Variants in GRID2 observed in about 807,000 individuals in gnomAD.
GRID2 encodes glutamate ionotropic receptor delta type subunit 2, also known as glutamate receptor ionotropic, delta-2.
A neutral mutation model predicts 114.8 loss-of-function variants in GRID2; 33 were observed. That is an observed-to-expected ratio of 0.29 (90% confidence interval 0.22 to 0.38). The LOEUF (loss-of-function observed/expected upper bound fraction) is 0.38, where lower values mean the gene tolerates loss of function less well. Ranked by LOEUF, GRID2 falls within the 10% of genes least tolerant of loss-of-function variation. The pLI is 1.00. For synonymous variants in GRID2, 505 were observed against 449.9 expected (o/e 1.12, Z -1.55); for missense variants, 1,184 against 1,257.7 (o/e 0.94, Z 0.89).
intron 2 of GRID2, among the ~76,000 whole-genome samples, chr4:92,724,631 T>C (rs1221008717): frequency 6.6e-6 from 1 of 152,158 alleles, no homozygotes; most frequent in Non-Finnish European, 1.5e-5. Flanking sequence ...AAAGCACAAA[T>C]GTGGTGTCTA....
At chr4:92,732,813 A>G (rs1046398561) in intron 2 of GRID2, among the ~76,000 whole-genome samples, 1 of 152,058 alleles carries the variant, frequency 6.6e-6, no homozygotes, top group Admixed American at 6.6e-5. Context: ...CAAAATTATA[A>G]GTTTATAGAT....
At chr4:92,642,704 T>C (rs1731417498) in intron 2 of GRID2, among the ~76,000 whole-genome samples, 1 of 151,886 alleles carries the variant, frequency 6.6e-6, no homozygotes, top group South Asian at 2.1e-4. Flanking sequence ...CAATTGCTTT[T>C]GGGAACTTGG....
chr4:92,357,399 A>C (rs895873820), intron 1 of GRID2, among the ~76,000 whole-genome samples: 1 of 151,934 alleles, frequency 6.6e-6, no homozygotes, highest in Non-Finnish European at 1.5e-5. Context: ...AACACAAAAT[A>C]ATATTTAAAA....
intron 2 of GRID2, among the ~76,000 whole-genome samples, chr4:92,670,982 A>G (rs1733033254): frequency 1.3e-5 from 2 of 152,142 alleles, no homozygotes; most frequent in South Asian, 2.1e-4. Flanking sequence ...CCCAAAATGT[A>G]TATATCAAAT....
At chr4:92,318,756 G>A (rs896224184) in intron 1 of GRID2, among the ~76,000 whole-genome samples, 1 of 152,028 alleles carries the variant, frequency 6.6e-6, no homozygotes, top group Admixed American at 6.6e-5. Context: ...TTACAAGCGT[G>A]AGCACCATGC....
At chr4:92,323,329 A>C (rs1726417691) in intron 1 of GRID2, among the ~76,000 whole-genome samples, 1 of 152,216 alleles carries the variant, frequency 6.6e-6, no homozygotes, top group African/African-American at 2.4e-5. Context: ...TAACTATAAG[A>C]TATTGTCTTG....
intron 9 of GRID2, among the ~76,000 whole-genome samples, chr4:93,411,955 GAAAA>G (rs1335567743): frequency 6.8e-6 from 1 of 146,050 alleles, no homozygotes; most frequent in Admixed American, 6.8e-5. Context: ...AAAAAAAAAA[GAAAA>G]AAGAAAAAAA....
At chr4:92,551,253 C>T (rs1425420537) in intron 1 of GRID2, among the ~76,000 whole-genome samples, 2 of 119,318 alleles carry the variant, frequency 1.7e-5, no homozygotes, top group African/African-American at 3.1e-5. Context: ...TACATCTACA[C>T]CTGTGTGTGT....
chr4:93,061,175 T>C (rs1308280520), intron 2 of GRID2, among the ~76,000 whole-genome samples: 8 of 147,688 alleles, frequency 5.4e-5, no homozygotes, highest in Admixed American at 4.9e-4. Context: ...TTTAATTTTA[T>C]ATATTCATCA....
intron 2 of GRID2, among the ~76,000 whole-genome samples, chr4:92,813,607 C>A (rs895552873): frequency 3.3e-5 from 5 of 151,938 alleles, no homozygotes; most frequent in Admixed American, 6.6e-5. Flanking sequence ...TATTTATATC[C>A]ATTCAGATTT....
intron 2 of GRID2, among the ~76,000 whole-genome samples, chr4:93,057,346 C>G (rs1271583930): frequency 6.6e-6 from 1 of 151,914 alleles, no homozygotes; most frequent in Non-Finnish European, 1.5e-5. Flanking sequence ...ATAATGTGAC[C>G]TACAGTCACA....
At chr4:92,666,045 G>C (rs919995977) in intron 2 of GRID2, among the ~76,000 whole-genome samples, 2 of 151,278 alleles carry the variant, frequency 1.3e-5, no homozygotes, top group Non-Finnish European at 3.0e-5. Flanking sequence ...CTACTATAAT[G>C]TGTATATTGG....
chr4:93,776,741 G>A (rs1374454691), downstream of GRID2, among the ~76,000 whole-genome samples: 1 of 152,124 alleles, frequency 6.6e-6, no homozygotes, highest in Non-Finnish European at 1.5e-5. Flanking sequence ...TTACCAACAT[G>A]CCAGATCCTG....
At chr4:92,326,370 A>T (rs951932004) in intron 1 of GRID2, among the ~76,000 whole-genome samples, 4 of 151,936 alleles carry the variant, frequency 2.6e-5, no homozygotes, top group African/African-American at 7.2e-5. Context: ...TATTACTAAA[A>T]TACAGCTAAA....
chr4:93,117,460 A>T (rs1733381164), intron 4 of GRID2, among the ~76,000 whole-genome samples: 1 of 152,078 alleles, frequency 6.6e-6, no homozygotes, highest in African/African-American at 2.4e-5. Context: ...TTGCAAATTC[A>T]CCTATTCATT....
At chr4:93,601,763 T>A (rs1739707039) in intron 13 of GRID2, among the ~76,000 whole-genome samples, 1 of 152,284 alleles carries the variant, frequency 6.6e-6, no homozygotes, top group South Asian at 2.1e-4. Context: ...CTTTATAGAA[T>A]TTTTTCCACA....
At chr4:92,775,505 A>G (rs1280574303) in intron 2 of GRID2, among the ~76,000 whole-genome samples, 1 of 152,182 alleles carries the variant, frequency 6.6e-6, no homozygotes, top group African/African-American at 2.4e-5. Context: ...GATATAGCAA[A>G]CTAAAAATGC....
At chr4:92,371,837 A>G (rs1014321601) in intron 1 of GRID2, among the ~76,000 whole-genome samples, 5 of 152,210 alleles carry the variant, frequency 3.3e-5, no homozygotes, top group African/African-American at 1.2e-4. Context: ...TGGGCAAAGA[A>G]AGTTGAAAAC....
intron 1 of GRID2, among the ~76,000 whole-genome samples, chr4:92,504,386 AT>A (rs1268196811): frequency 1.3e-5 from 2 of 152,022 alleles, no homozygotes; most frequent in African/African-American, 4.8e-5. Flanking sequence ...AAGTTGGAAA[AT>A]AGGATTCAGG....
Sources: allele counts gnomAD v4.1 joint callset (sites outside exome capture counted in the v4.1 genomes callset), GRCh38; gene constraint gnomAD v4.1.1; transcripts MANE v1.5; gene names NCBI Gene and HGNC (gene_info 2026-07-23, HGNC 2026-07-21).